ELMO1: variants seen among roughly 807,000 people sequenced by gnomAD.
ELMO1 encodes engulfment and cell motility protein 1.
A neutral mutation model predicts 98.9 loss-of-function variants in ELMO1; 26 were observed. The observed-to-expected ratio is 0.26, with a 90% CI of 0.19 to 0.36. ELMO1 has a LOEUF of 0.36. ELMO1 is among the 10% of genes least tolerant of loss of function. ELMO1 has a pLI of 1.00. For missense variants in ELMO1, 627 were observed against 935.2 expected, an observed-to-expected ratio of 0.67 and a Z score of 4.30; for synonymous variants, 346 against 346.0, an observed-to-expected ratio of 1.00 and a Z score of 0.00.
At chr7:36,969,944 C>T (rs1789771783) in intron 16 of ELMO1, among the ~76,000 whole-genome samples, 1 of 151,898 alleles carries the variant, frequency 6.6e-6, no homozygotes, top group African/African-American at 2.4e-5. Context: ...AACAAGATTT[C>T]TATTTTTCAA....
intron 16 of ELMO1, among the ~76,000 whole-genome samples, chr7:36,983,738 C>T (rs142624825): frequency 1.6e-4 from 24 of 152,244 alleles, no homozygotes; most frequent in African/African-American, 3.1e-4. Flanking sequence ...CAGCATTTAG[C>T]GGACCCATCT....
At chr7:37,234,401 C>G (rs971255099) in intron 7 of ELMO1, among the ~76,000 whole-genome samples, 2 of 152,132 alleles carry the variant, frequency 1.3e-5, no homozygotes, top group African/African-American at 2.4e-5. Context: ...TCCTACTGTT[C>G]TACTCAGCCC....
chr7:37,090,291 G>A (rs1784008780), intron 15 of ELMO1, among the ~76,000 whole-genome samples: 2 of 152,160 alleles, frequency 1.3e-5, no homozygotes, highest in South Asian at 4.1e-4. Context: ...GCATTATTAG[G>A]CCAGGACTGG....
intron 16 of ELMO1, among the ~76,000 whole-genome samples, chr7:36,913,655 G>A (rs1339798537): frequency 6.6e-6 from 1 of 152,238 alleles, no homozygotes; most frequent in Non-Finnish European, 1.5e-5. Context: ...CCACCTTGGA[G>A]GACAGTTTGG....
chr7:37,194,566 C>A (rs1791849166), intron 13 of ELMO1, among the ~76,000 whole-genome samples: 1 of 152,230 alleles, frequency 6.6e-6, no homozygotes, highest in Non-Finnish European at 1.5e-5. Flanking sequence ...TCTTAACTTA[C>A]AAATTATCAA....
At chr7:37,258,062 G>C (rs566675482) in intron 6 of ELMO1, among the ~76,000 whole-genome samples, 5 of 152,138 alleles carry the variant, frequency 3.3e-5, no homozygotes, top group African/African-American at 1.2e-4. Flanking sequence ...GAGGTCAAGA[G>C]ATCGAGACCA....
At chr7:37,447,484 G>C (rs1283363129) in intron 1 of ELMO1, among the ~76,000 whole-genome samples, 2 of 151,978 alleles carry the variant, frequency 1.3e-5, no homozygotes, top group African/African-American at 2.4e-5. Flanking sequence ...GTCACTACCT[G>C]GGACCAAGCC....
chr7:36,924,051 AG>A (rs778673789), intron 16 of ELMO1, among the ~76,000 whole-genome samples: 15 of 152,354 alleles, frequency 9.8e-5, no homozygotes, highest in Admixed American at 2.0e-4. Flanking sequence ...GAGCCACTAA[AG>A]GGTTGTGAAC....
chr7:36,984,416 C>G (rs911721186), intron 16 of ELMO1, among the ~76,000 whole-genome samples: 1 of 152,172 alleles, frequency 6.6e-6, no homozygotes, highest in Non-Finnish European at 1.5e-5. Flanking sequence ...CAACGTCAGC[C>G]CTACTTCTTT....
At chr7:37,079,461 T>C (rs1372688178) in intron 15 of ELMO1, among the ~76,000 whole-genome samples, 1 of 152,206 alleles carries the variant, frequency 6.6e-6, no homozygotes, top group Non-Finnish European at 1.5e-5. Context: ...TAAATGTTTC[T>C]AAAAGCCTCC....
At chr7:37,213,866 C>G (rs1178285748) in intron 11 of ELMO1, among the ~76,000 whole-genome samples, 5 of 152,182 alleles carry the variant, frequency 3.3e-5, no homozygotes, top group African/African-American at 9.7e-5. Flanking sequence ...CATTATCTTA[C>G]CCTGGGACTG....
intron 13 of ELMO1, among the ~76,000 whole-genome samples, chr7:37,148,845 G>A (rs964328635): frequency 6.6e-5 from 10 of 151,904 alleles, no homozygotes; most frequent in Non-Finnish European, 7.4e-5. Context: ...CCCACCTCTC[G>A]TCACTTTAAA....
chr7:36,859,429 G>A (rs1404797029), intron 21 of ELMO1, among the ~76,000 whole-genome samples: 1 of 152,220 alleles, frequency 6.6e-6, no homozygotes, highest in African/African-American at 2.4e-5. Flanking sequence ...CTGGGTGATG[G>A]TGGAAGAGTG....
intron 1 of ELMO1, among the ~76,000 whole-genome samples, chr7:37,358,241 T>G (rs1261738337): frequency 6.6e-6 from 1 of 152,182 alleles, no homozygotes; most frequent in East Asian, 1.9e-4. Context: ...CTTTGATTTC[T>G]CCTCTAGCCT....
At chr7:37,315,239 A>G (rs1292253891) in intron 3 of ELMO1, among the ~76,000 whole-genome samples, 1 of 152,230 alleles carries the variant, frequency 6.6e-6, no homozygotes, top group East Asian at 1.9e-4. Context: ...ATTGAAGCAA[A>G]GAAAGAAAAA....
At position 36,977,270 on chromosome 7, in the gene ELMO1, G is replaced by A. The variant is rs139863850; in HGVS notation, c.1437+36029C>T. Among the ~76,000 whole-genome samples, 404 of 152,270 alleles carry A rather than the reference G, an allele frequency of 2.7e-3. 2 individuals carry two copies. Among genetic ancestry groups the A allele is most frequent in the African/African-American group, 9.3e-3 (388 of 41,546 alleles). The stretch of plus-strand genomic sequence containing the variant: ...TCACTACACTGAAAATTTTTAAAAA[G>A]GTTTAAGAAATCCCATTAAAGGAAT... On this transcript the variant is annotated intron_variant, in intron 16 of 21. Coordinates refer to ENST00000310758, the MANE Select transcript of ELMO1 (RefSeq NM_014800.11).
chr7:37,275,467 T>A (rs1796781831), intron 4 of ELMO1, among the ~76,000 whole-genome samples: 1 of 152,216 alleles, frequency 6.6e-6, no homozygotes, highest in African/African-American at 2.4e-5. Flanking sequence ...CAATTCCTGC[T>A]CTGCTTCTCA....
chr7:37,323,048 G>A (rs181353315), intron 2 of ELMO1, among the ~76,000 whole-genome samples: 6 of 152,104 alleles, frequency 3.9e-5, no homozygotes, highest in African/African-American at 1.4e-4. Context: ...CCATAAGCAC[G>A]GAGGCCATGA....
chr7:37,382,133 AC>A (rs1802606189), intron 1 of ELMO1, among the ~76,000 whole-genome samples: 1 of 152,186 alleles, frequency 6.6e-6, no homozygotes, highest in African/African-American at 2.4e-5. Context: ...AATCTCAGAA[AC>A]ACTTGCCTTA....
Sources: gnomAD v4.1 joint callset for allele counts (sites outside exome capture counted in the v4.1 genomes callset) on GRCh38, gnomAD v4.1.1 for gene constraint, MANE v1.5 for transcripts, NCBI Gene and HGNC (gene_info 2026-07-23, HGNC 2026-07-21) for gene names.